The following ABCA13 variants were observed in gnomAD, a reference collection of about 807,000 sequenced individuals.
The protein encoded by ABCA13 is ATP-binding cassette sub-family A member 13.
Under a neutral mutation model 478.7 loss-of-function variants are expected in ABCA13, and 476 were observed. The observed-to-expected ratio is 0.99, with a 90% CI of 0.92 to 1.07. The LOEUF (loss-of-function observed/expected upper bound fraction) is 1.07. Ranked by LOEUF, ABCA13 falls within the 50% of genes least tolerant of loss-of-function variation. The probability of loss-of-function intolerance (pLI) is 0.00; values close to 1 mark genes in which losing one functional copy is unlikely to be tolerated. For missense variants in ABCA13, 6,060 were observed against 5,910.6 expected (o/e 1.03, Z -0.83); for synonymous variants, 2,252 against 2,158.9 (o/e 1.04, Z -1.20).
intron 48 of ABCA13, among the ~76,000 whole-genome samples, chr7:48,492,129 C>G (rs955056788): frequency 6.6e-6 from 1 of 152,096 alleles, no homozygotes; most frequent in East Asian, 1.9e-4. Context: ...CCAGGCTGGC[C>G]CTTTCTCTCT....
At chr7:48,359,560 C>T (rs1362768853) in intron 31 of ABCA13, among the ~76,000 whole-genome samples, 1 of 151,918 alleles carries the variant, frequency 6.6e-6, no homozygotes, top group Non-Finnish European at 1.5e-5. Context: ...CAGTTGCCCC[C>T]AGCTATGTCC....
At chr7:48,199,119 TC>T (rs1229197865) in intron 3 of ABCA13, among the ~76,000 whole-genome samples, 1 of 152,212 alleles carries the variant, frequency 6.6e-6, no homozygotes, top group Admixed American at 6.5e-5. Context: ...TATTAAACAA[TC>T]TAAGATATTT....
chr7:48,540,859 A>G (rs1303367722), intron 55 of ABCA13, among the ~76,000 whole-genome samples: 1 of 152,050 alleles, frequency 6.6e-6, no homozygotes, highest in Non-Finnish European at 1.5e-5. Flanking sequence ...AATCACATGC[A>G]TTTTTATTAT....
chr7:48,632,437 T>G (rs1586046293), intron 59 of ABCA13, among the ~76,000 whole-genome samples: 1 of 152,220 alleles, frequency 6.6e-6, no homozygotes, highest in Admixed American at 6.5e-5. Flanking sequence ...AATTAATCTT[T>G]TTTTCTTTTG....
chr7:48,372,062 G>A (rs1812712289), intron 32 of ABCA13, 106 bp from the exon 33 acceptor site: 1 of 1,156,902 alleles, frequency 8.6e-7, no homozygotes, highest in Non-Finnish European at 1.2e-6. Context: ...TTGCAAGCAA[G>A]CAGATTTACC....
rs116141422 is a variant in ABCA13, at chr7:48,366,633, C to T, written c.10689-1161C>T. On this transcript the variant is annotated intron_variant, in intron 31 of 61. Transcript: ENST00000435803. The stretch of plus-strand genomic sequence containing the variant: ...GAAAGTGTAAGGGGAAGAGGGTGTG[C>T]GCTCCATACATGAGAGGCAACCCTG... Among the ~76,000 whole-genome samples, 24 of 152,000 alleles carry T rather than the reference C, an allele frequency of 1.6e-4. 1 individual carries two copies. In the South Asian group the frequency reaches 3.5e-3, roughly 22 times the overall value.
intron 45 of ABCA13, among the ~76,000 whole-genome samples, chr7:48,479,770 A>G (rs934838772): frequency 3.9e-5 from 6 of 152,158 alleles, no homozygotes; most frequent in Non-Finnish European, 8.8e-5. Context: ...TATTCTTTTT[A>G]GTATCTTTCC....
At chr7:48,529,796 A>G (rs1227175795) in intron 55 of ABCA13, among the ~76,000 whole-genome samples, 1 of 152,216 alleles carries the variant, frequency 6.6e-6, no homozygotes, top group Non-Finnish European at 1.5e-5. Flanking sequence ...TAAAATAAAT[A>G]TAATTCATTT....
chr7:48,358,478 C>T lies in ABCA13; in HGVS notation c.10688+5991C>T, dbSNP rs374967972. On this transcript the variant is annotated intron_variant, in intron 31 of 61. Coordinates refer to ENST00000435803, the MANE Select transcript of ABCA13 (RefSeq NM_152701.5). ...GTGTGCAATGAAGAATAGTCCTAGC[C>T]AAATTCCAAAACACCCTCATTTAGA... is the stretch of plus-strand genomic sequence containing the variant. 5.9e-5 allele frequency among the ~76,000 whole-genome samples: 9 copies of T among 152,016 alleles called. No individual in the cohort carries two copies. In the South Asian group the frequency reaches 1.9e-3, roughly 32 times the overall value.
At chr7:48,329,861 A>T (rs1804954297) in intron 27 of ABCA13, among the ~76,000 whole-genome samples, 1 of 146,582 alleles carries the variant, frequency 6.8e-6, no homozygotes, top group African/African-American at 2.5e-5. Flanking sequence ...ATCCATCCAC[A>T]CATTTGTCTC....
chr7:48,421,488 G>A (rs1401388256), intron 41 of ABCA13, among the ~76,000 whole-genome samples: 1 of 152,154 alleles, frequency 6.6e-6, no homozygotes, highest in Non-Finnish European at 1.5e-5. Flanking sequence ...TTTACTTTGA[G>A]GCTCATGTCA....
intron 38 of ABCA13, among the ~76,000 whole-genome samples, chr7:48,399,849 A>C (rs1259204932): frequency 6.6e-6 from 1 of 152,190 alleles, no homozygotes; most frequent in Non-Finnish European, 1.5e-5. Flanking sequence ...CACCTGCCCC[A>C]CATGGAGACC....
intron 43 of ABCA13, among the ~76,000 whole-genome samples, chr7:48,458,163 C>T (rs541700067): frequency 4.6e-5 from 7 of 152,334 alleles, no homozygotes; most frequent in African/African-American, 1.7e-4. Context: ...CTCAAAAGTG[C>T]CCTCTTATGA....
At chr7:48,342,098 A>C (rs1246715475) in intron 29 of ABCA13, among the ~76,000 whole-genome samples, 2 of 151,636 alleles carry the variant, frequency 1.3e-5, no homozygotes, top group African/African-American at 4.8e-5. Context: ...GGTTATTTGA[A>C]AGACTATAGC....
chr7:48,589,298 G>A (rs938567589), intron 57 of ABCA13, among the ~76,000 whole-genome samples: 12 of 152,118 alleles, frequency 7.9e-5, no homozygotes, highest in South Asian at 2.1e-4. Flanking sequence ...ATATCATTCC[G>A]AAATTTTATG....
At chr7:48,342,532 GT>G (rs1486431858) in intron 29 of ABCA13, among the ~76,000 whole-genome samples, 1 of 152,050 alleles carries the variant, frequency 6.6e-6, no homozygotes, top group Non-Finnish European at 1.5e-5. Context: ...CTTTCCGGAA[GT>G]TTTTCTGTGA....
chr7:48,366,137 T>G (rs572644370), intron 31 of ABCA13, among the ~76,000 whole-genome samples: 31 of 152,232 alleles, frequency 2.0e-4, no homozygotes, highest in African/African-American at 7.0e-4. Context: ...GTCTCCATTT[T>G]ATTTATTTCT....
chr7:48,443,825 A>C (rs1823939955), intron 42 of ABCA13, among the ~76,000 whole-genome samples: 1 of 152,112 alleles, frequency 6.6e-6, no homozygotes, highest in African/African-American at 2.4e-5. Context: ...ATAAGAGTGA[A>C]TAAATCCATC....
At chr7:48,382,252 C>A (rs1814508017) in intron 35 of ABCA13, among the ~76,000 whole-genome samples, 1 of 152,150 alleles carries the variant, frequency 6.6e-6, no homozygotes, top group South Asian at 2.1e-4. Flanking sequence ...CTGCATCCTA[C>A]CTGCATGTTG....
Sources: gnomAD v4.1 joint callset for allele counts (sites outside exome capture counted in the v4.1 genomes callset) on GRCh38, gnomAD v4.1.1 for gene constraint, MANE v1.5 for transcripts, NCBI Gene and HGNC (gene_info 2026-07-23, HGNC 2026-07-21) for gene names.